CREBRF: variants seen among roughly 807,000 people sequenced by gnomAD.
The protein encoded by CREBRF is CREB3 regulatory factor, also known as UPF0474 protein C5orf41.
A neutral mutation model predicts 66.1 loss-of-function variants in CREBRF; 5 were observed. The ratio of observed to expected loss-of-function variants is 0.08; its 90% CI spans 0.04 to 0.16. CREBRF has a LOEUF of 0.16. Ranked by LOEUF, CREBRF falls within the 10% of genes least tolerant of loss-of-function variation. The pLI is 1.00. For synonymous variants in CREBRF, 229 were observed against 264.4 expected, an observed-to-expected ratio of 0.87 and a Z score of 1.30; for missense variants, 531 against 744.9, an observed-to-expected ratio of 0.71 and a Z score of 3.34.
intron 4 of CREBRF, among the ~76,000 whole-genome samples, chr5:173,092,708 A>G (rs997031311): frequency 6.6e-6 from 1 of 152,232 alleles, no homozygotes; most frequent in South Asian, 2.1e-4. Context: ...CATAATACCT[A>G]TATTGTAACT....
At chr5:173,119,023 G>A (rs1396205281) in intron 7 of CREBRF, among the ~76,000 whole-genome samples, 1 of 152,172 alleles carries the variant, frequency 6.6e-6, no homozygotes, top group African/African-American at 2.4e-5. Flanking sequence ...ATTGCACCCA[G>A]TCATGTAGAT....
chr5:173,079,423 A>G (rs1202486543), intron 1 of CREBRF, among the ~76,000 whole-genome samples: 2 of 150,824 alleles, frequency 1.3e-5, no homozygotes, highest in Non-Finnish European at 2.9e-5. Context: ...AGATTGGGCC[A>G]CTGCATTCCA....
intron 1 of CREBRF, among the ~76,000 whole-genome samples, chr5:173,074,160 G>A (rs1757681433): frequency 6.6e-6 from 1 of 151,854 alleles, no homozygotes; most frequent in Admixed American, 6.6e-5. Context: ...AAATTAGCCG[G>A]GTGTTGTGGC....
chr5:173,118,768 G>A (rs1170446623), intron 7 of CREBRF, among the ~76,000 whole-genome samples: 1 of 150,646 alleles, frequency 6.6e-6, no homozygotes, highest in Non-Finnish European at 1.5e-5. Context: ...GGCTGGGCAT[G>A]GTGGCTCATG....
intron 4 of CREBRF, among the ~76,000 whole-genome samples, chr5:173,104,622 G>A (rs1371453838): frequency 1.3e-5 from 2 of 152,124 alleles, no homozygotes; most frequent in Non-Finnish European, 2.9e-5. Context: ...CGAGGCTGCA[G>A]TGAGTTGTGA....
At position 173,117,557 on chromosome 5, in the gene CREBRF, TCCTC is replaced by T. The variant is rs1167170669; in HGVS notation, c.1681+5200_1681+5203del. ...CTCCTCTTCCCTTCCCCTCCCCTCT[TCCTC>T]CCTCCCTCCCTCCCTCCCTCCTTCC... On this transcript the variant is annotated intron_variant, in intron 7 of 8. Coordinates refer to ENST00000296953, the MANE Select transcript of CREBRF (RefSeq NM_153607.3). Among the ~76,000 whole-genome samples the T allele has an allele frequency of 2.5e-3, 53 of 21,582 alleles. 1 individual carries two copies. The highest frequency in any genetic ancestry group is 0.024 in the Middle Eastern group (1 of 42). The allele number at this position is 21,582 out of a possible 152,430, so 14.2% of individuals were successfully genotyped here.
chr5:173,105,926 C>T (rs1758738250), intron 4 of CREBRF, among the ~76,000 whole-genome samples: 1 of 152,016 alleles, frequency 6.6e-6, no homozygotes, highest in African/African-American at 2.4e-5. Flanking sequence ...CCACAAGGGC[C>T]TTTTTAAAGG....
chr5:173,110,795 A>G (rs1477316588), intron 6 of CREBRF, 84 bp downstream of exon 6: 4 of 919,410 alleles, frequency 4.4e-6, no homozygotes, highest in Non-Finnish European at 4.9e-6. Context: ...GAAGGACAAC[A>G]AAGAAATTGT....
At chr5:173,061,935 T>C (rs1469664675) in intron 1 of CREBRF, among the ~76,000 whole-genome samples, 2 of 152,200 alleles carry the variant, frequency 1.3e-5, no homozygotes. Flanking sequence ...GGATTTCAAG[T>C]GGAAGCGTAA....
intron 4 of CREBRF, among the ~76,000 whole-genome samples, chr5:173,102,958 G>T (rs942210617): frequency 2.6e-5 from 4 of 152,154 alleles, no homozygotes; most frequent in Non-Finnish European, 5.9e-5. Flanking sequence ...ATTCCTTCTG[G>T]ATGTGTTGAG....
intron 2 of CREBRF, chr5:173,085,304 C>A: frequency 1.3e-6 from 1 of 790,724 alleles, no homozygotes; most frequent in Non-Finnish European, 2.0e-6. Context: ...ATGTCAACAC[C>A]AGCTATGCAG....
At chr5:173,110,267 G>A (rs1758841611) in intron 5 of CREBRF, 2 of 539,490 alleles carry the variant, frequency 3.7e-6, no homozygotes, top group East Asian at 3.8e-5. Context: ...GGAACTAGAA[G>A]CCTAGGGTAG....
intron 7 of CREBRF, among the ~76,000 whole-genome samples, chr5:173,118,574 T>C (rs1759063101): frequency 6.6e-6 from 1 of 152,188 alleles, no homozygotes; most frequent in Non-Finnish European, 1.5e-5. Context: ...AAATATCTGG[T>C]TGATCAGGCA....
intron 1 of CREBRF, among the ~76,000 whole-genome samples, chr5:173,059,784 C>T (rs1757211851): frequency 6.6e-6 from 1 of 152,172 alleles, no homozygotes; most frequent in Non-Finnish European, 1.5e-5. Flanking sequence ...CAAATAGATG[C>T]AATAGAACTT....
At chr5:173,113,507 C>T (rs1453423417) in intron 7 of CREBRF, among the ~76,000 whole-genome samples, 1 of 151,866 alleles carries the variant, frequency 6.6e-6, no homozygotes, top group Non-Finnish European at 1.5e-5. Context: ...AGTGTTTCAC[C>T]ACGTTGGCAA....
At chr5:173,111,848 A>G (rs544018693) in intron 6 of CREBRF, among the ~76,000 whole-genome samples, 58 of 152,356 alleles carry the variant, frequency 3.8e-4, no homozygotes, top group Non-Finnish European at 6.5e-4. Flanking sequence ...CTTTCCTGCT[A>G]GCAACACATG....
intron 7 of CREBRF, among the ~76,000 whole-genome samples, chr5:173,115,940 C>T (rs975670813): frequency 6.6e-5 from 10 of 152,222 alleles, no homozygotes; most frequent in African/African-American, 2.4e-4. Context: ...GTCCCTCTCA[C>T]TTTCCTCTTC....
In CREBRF at chr5:173,056,440, G is replaced by A. The variant is rs1757041885; in HGVS notation, c.-231G>A. ...GGAGAGGGGCCGTGGCCCCTGCAGCGGAACCGGACCCAGTCCCTGAGCCGC... is the reference window on the plus strand; with the variant it reads ...GGAGAGGGGCCGTGGCCCCTGCAGCAGAACCGGACCCAGTCCCTGAGCCGC... On this transcript the variant is annotated 5_prime_UTR_variant, in exon 1 of 9. Transcript: ENST00000296953. 5.0e-6 allele frequency: 2 copies of A among 398,390 alleles called. No homozygotes were observed. Among genetic ancestry groups the A allele is most frequent in the Non-Finnish European group, 8.9e-6 (2 of 225,912 alleles). The allele number at this position is 398,390 out of a possible 1,614,324, so 24.7% of individuals were successfully genotyped here.
At chr5:173,091,503 G>C in intron 4 of CREBRF, 102 bp downstream of exon 4, 1 of 1,505,956 alleles carries the variant, frequency 6.6e-7, no homozygotes, top group East Asian at 2.3e-5. Context: ...CTTTATTTTA[G>C]TTTGGGAATT....
Sources: allele counts gnomAD v4.1 joint callset (sites outside exome capture counted in the v4.1 genomes callset), GRCh38; gene constraint gnomAD v4.1.1; transcripts MANE v1.5; gene names NCBI Gene and HGNC (gene_info 2026-07-23, HGNC 2026-07-21).